Variants in ZFAT observed in about 807,000 individuals in gnomAD.
The protein encoded by ZFAT is zinc finger and AT-hook domain containing.
Under a neutral mutation model 117.7 loss-of-function variants are expected in ZFAT, and 64 were observed. The ratio of observed to expected loss-of-function variants is 0.54; its 90% CI spans 0.44 to 0.67. ZFAT has a LOEUF of 0.67. Among genes scored for constraint, ZFAT ranks in the 30% least tolerant of loss-of-function variants. ZFAT has a pLI of 0.00. For synonymous variants in ZFAT, 679 were observed against 615.0 expected, an observed-to-expected ratio of 1.10 and a Z score of -1.54; for missense variants, 1,433 against 1,584.5, an observed-to-expected ratio of 0.90 and a Z score of 1.62.
chr8:134,650,352 T>G (rs762020469), intron 2 of ZFAT, among the ~76,000 whole-genome samples: 46 of 151,970 alleles, frequency 3.0e-4, no homozygotes, highest in Middle Eastern at 6.3e-3. Flanking sequence ...GGTCTCGAAC[T>G]CCTGACCTCA....
the ZFAT span, among the ~76,000 whole-genome samples, chr8:134,829,086 C>T: frequency 6.6e-6 from 1 of 152,174 alleles, no homozygotes; most frequent in Non-Finnish European, 1.5e-5. Context: ...ACTAAACTAC[C>T]TTGGATGAGG....
At chr8:134,825,746 C>A in the ZFAT span, among the ~76,000 whole-genome samples, 1 of 152,164 alleles carries the variant, frequency 6.6e-6, no homozygotes, top group Non-Finnish European at 1.5e-5. Flanking sequence ...TCAGGCTGGG[C>A]GCGGTGGCTC....
At chr8:134,809,935 T>C in the ZFAT span, among the ~76,000 whole-genome samples, 4 of 152,120 alleles carry the variant, frequency 2.6e-5, no homozygotes, top group Non-Finnish European at 5.9e-5. Flanking sequence ...ATAGTAAAAT[T>C]TGTCACCACC....
At chr8:134,515,139 C>T (rs1248958111) in intron 13 of ZFAT, among the ~76,000 whole-genome samples, 5 of 152,190 alleles carry the variant, frequency 3.3e-5, no homozygotes, top group African/African-American at 9.6e-5. Flanking sequence ...GACATGAACT[C>T]ATCTTTTTTA....
chr8:134,625,255 G>A (rs1230106434), intron 3 of ZFAT, among the ~76,000 whole-genome samples: 8 of 152,206 alleles, frequency 5.3e-5, no homozygotes, highest in African/African-American at 1.9e-4. Flanking sequence ...ACCTGTGAAG[G>A]GCACGAGGCC....
chr8:134,699,509 G>A (rs1195586656), intron 1 of ZFAT, among the ~76,000 whole-genome samples: 1 of 152,010 alleles, frequency 6.6e-6, no homozygotes, highest in Non-Finnish European at 1.5e-5. Flanking sequence ...TGCCTCCCTG[G>A]GTCCTCATTA....
the ZFAT span, among the ~76,000 whole-genome samples, chr8:134,816,235 G>A: frequency 2.0e-5 from 3 of 152,294 alleles, no homozygotes; most frequent in East Asian, 5.8e-4. Context: ...CAAAGAAAGA[G>A]ACTAGCATAA....
chr8:134,529,588 A>G (rs7011356), intron 12 of ZFAT, among the ~76,000 whole-genome samples: 84,853 of 151,940 alleles, frequency 0.56, 24,832 homozygotes, highest in Admixed American at 0.64. Flanking sequence ...ACAAAGTATC[A>G]GAGTACTGAG....
chr8:134,553,418 G>A (rs771758673), intron 11 of ZFAT, among the ~76,000 whole-genome samples: 47 of 152,146 alleles, frequency 3.1e-4, no homozygotes, highest in African/African-American at 4.3e-4. Flanking sequence ...CAGAAGAATC[G>A]CTTGAACATG....
chr8:134,744,216 G>A, the ZFAT span, among the ~76,000 whole-genome samples: 4 of 151,774 alleles, frequency 2.6e-5, no homozygotes, highest in South Asian at 2.1e-4. Context: ...CCTTATGACC[G>A]TATGACTGAG....
At chr8:134,811,720 A>C in the ZFAT span, among the ~76,000 whole-genome samples, 1 of 152,224 alleles carries the variant, frequency 6.6e-6, no homozygotes, top group African/African-American at 2.4e-5. Context: ...ATAATCTGAT[A>C]GTCTACTGAT....
In ZFAT at chr8:134,583,788, C is replaced by G. The variant is rs200758146; in HGVS notation, c.2887+44G>C. 11 of 1,600,242 alleles carry G rather than the reference C, an allele frequency of 6.9e-6. No homozygotes were observed. The Admixed American group carries it at 1.0e-4, about 15-fold the overall frequency. ...GACAAACTGGAACATCAGCTTCAAA[C>G]CACACATTTAGAGGGGAAAGTTCAC... On this transcript the variant is annotated intron_variant, in intron 10 of 15. Transcript: ENST00000377838.
intron 13 of ZFAT, among the ~76,000 whole-genome samples, chr8:134,514,272 C>T (rs1479938142): frequency 2.0e-5 from 3 of 152,196 alleles, no homozygotes; most frequent in Non-Finnish European, 4.4e-5. Context: ...CTAGCATCAG[C>T]TGGAAGCGAG....
the ZFAT span, among the ~76,000 whole-genome samples, chr8:134,720,909 G>A: frequency 6.1e-3 from 930 of 152,260 alleles, 10 homozygotes; most frequent in African/African-American, 0.021. Flanking sequence ...ATTTCACATA[G>A]CCTTCACACC....
intron 11 of ZFAT, among the ~76,000 whole-genome samples, chr8:134,563,511 T>C (rs965864760): frequency 6.6e-6 from 1 of 152,194 alleles, no homozygotes; most frequent in African/African-American, 2.4e-5. Context: ...AAGGCTGTTC[T>C]GAGCATAAAA....
At chr8:134,552,658 A>G (rs1204289977) in intron 11 of ZFAT, among the ~76,000 whole-genome samples, 1 of 152,234 alleles carries the variant, frequency 6.6e-6, no homozygotes, top group East Asian at 1.9e-4. Context: ...CAAAAGGCTG[A>G]TGGCTACAGA....
At chr8:134,700,999 T>C (rs1291613704) in intron 1 of ZFAT, among the ~76,000 whole-genome samples, 2 of 151,886 alleles carry the variant, frequency 1.3e-5, no homozygotes, top group Non-Finnish European at 2.9e-5. Flanking sequence ...CCCACCCCCA[T>C]GTAAATGTGT....
At chr8:134,516,931 G>A (rs1426428972) in intron 13 of ZFAT, among the ~76,000 whole-genome samples, 3 of 152,222 alleles carry the variant, frequency 2.0e-5, no homozygotes. Flanking sequence ...AAAATAAAGA[G>A]TTGATTCTCT....
chr8:134,610,168 G>A (rs2130967569), intron 4 of ZFAT, among the ~76,000 whole-genome samples: 1 of 150,392 alleles, frequency 6.6e-6, no homozygotes, highest in South Asian at 2.1e-4. Flanking sequence ...AGAGCTGGGT[G>A]AGGGGACGAA....
Sources: allele counts gnomAD v4.1 joint callset (sites outside exome capture counted in the v4.1 genomes callset), GRCh38; gene constraint gnomAD v4.1.1; transcripts MANE v1.5; gene names NCBI Gene and HGNC (gene_info 2026-07-23, HGNC 2026-07-21).